Variants in CNTNAP2 observed in about 807,000 individuals in gnomAD.
The protein encoded by CNTNAP2 is contactin-associated protein-like 2.
A neutral mutation model predicts 155.2 loss-of-function variants in CNTNAP2; 98 were observed. The ratio of observed to expected loss-of-function variants is 0.63; its 90% CI spans 0.54 to 0.75. CNTNAP2 has a LOEUF of 0.75. CNTNAP2 is among the 30% of genes least tolerant of loss of function. The pLI is 0.00. For missense variants in CNTNAP2, 1,727 were observed against 1,688.1 expected, an observed-to-expected ratio of 1.02 and a Z score of -0.40; for synonymous variants, 651 against 631.2, an observed-to-expected ratio of 1.03 and a Z score of -0.47.
At chr7:146,204,598 A>G (rs1282318839) in intron 1 of CNTNAP2, among the ~76,000 whole-genome samples, 1 of 152,110 alleles carries the variant, frequency 6.6e-6, no homozygotes, top group Non-Finnish European at 1.5e-5. Flanking sequence ...AGTCTCTCTC[A>G]TGCCAGTCGT....
intron 22 of CNTNAP2, among the ~76,000 whole-genome samples, chr7:148,393,456 C>T (rs1799398155): frequency 1.3e-5 from 2 of 152,196 alleles, no homozygotes; most frequent in Admixed American, 6.5e-5. Context: ...ACACCAAGCG[C>T]ATTTATGTAT....
At chr7:146,903,404 G>T (rs561075451) in intron 3 of CNTNAP2, among the ~76,000 whole-genome samples, 3 of 152,236 alleles carry the variant, frequency 2.0e-5, no homozygotes, top group African/African-American at 4.8e-5. Context: ...TCATTTGCAT[G>T]TAATAAGCTC....
intron 13 of CNTNAP2, among the ~76,000 whole-genome samples, chr7:147,706,654 T>C (rs577870371): frequency 5.6e-4 from 85 of 152,292 alleles, no homozygotes; most frequent in African/African-American, 1.9e-3. Context: ...AAGCTTCCTG[T>C]ATCTGGATGT....
intron 10 of CNTNAP2, among the ~76,000 whole-genome samples, chr7:147,483,136 T>A (rs1381281277): frequency 6.6e-6 from 1 of 151,886 alleles, no homozygotes; most frequent in African/African-American, 2.4e-5. Flanking sequence ...TTTAAAGAAA[T>A]CCTTAATACT....
chr7:147,881,142 C>CA (rs1799513757), intron 13 of CNTNAP2, among the ~76,000 whole-genome samples: 1 of 152,016 alleles, frequency 6.6e-6, no homozygotes, highest in African/African-American at 2.4e-5. Flanking sequence ...AAAATGAGAT[C>CA]AGTTGTTGAA....
intron 3 of CNTNAP2, among the ~76,000 whole-genome samples, chr7:146,866,389 T>G (rs1233189044): frequency 6.6e-6 from 1 of 152,144 alleles, no homozygotes; most frequent in Admixed American, 6.6e-5. Context: ...GTTTAGAAGA[T>G]TTGATATTTG....
At chr7:146,843,894 G>C (rs1262039167) in intron 3 of CNTNAP2, among the ~76,000 whole-genome samples, 3 of 152,030 alleles carry the variant, frequency 2.0e-5, no homozygotes, top group Non-Finnish European at 4.4e-5. Flanking sequence ...CTTACAAGAT[G>C]TAAAAATTTA....
chr7:146,418,433 C>G (rs1181360647), intron 1 of CNTNAP2, among the ~76,000 whole-genome samples: 1 of 152,102 alleles, frequency 6.6e-6, no homozygotes, highest in Non-Finnish European at 1.5e-5. Flanking sequence ...GATGAAATCT[C>G]TCTGTACTTC....
intron 13 of CNTNAP2, among the ~76,000 whole-genome samples, chr7:147,667,983 G>T (rs1018691303): frequency 2.6e-5 from 4 of 152,088 alleles, no homozygotes; most frequent in African/African-American, 7.2e-5. Context: ...CAAATGATTT[G>T]CTCAGGATGA....
intron 1 of CNTNAP2, among the ~76,000 whole-genome samples, chr7:146,664,021 T>C (rs994441377): frequency 7.2e-5 from 11 of 152,154 alleles, no homozygotes. Flanking sequence ...GTTTATCAGG[T>C]TGAAGAAGTT....
intron 21 of CNTNAP2, among the ~76,000 whole-genome samples, chr7:148,281,204 A>T (rs999774119): frequency 1.3e-5 from 2 of 152,220 alleles, no homozygotes; most frequent in Admixed American, 1.3e-4. Flanking sequence ...TTTTAGAGTC[A>T]TTATTGAAGA....
chr7:146,360,861 AT>A (rs1207904507), intron 1 of CNTNAP2, among the ~76,000 whole-genome samples: 3 of 152,172 alleles, frequency 2.0e-5, no homozygotes, highest in Non-Finnish European at 4.4e-5. Flanking sequence ...AGTGGCACTT[AT>A]TTCCCCAGTC....
At chr7:147,557,413 C>T (rs1288972847) in intron 11 of CNTNAP2, among the ~76,000 whole-genome samples, 1 of 152,106 alleles carries the variant, frequency 6.6e-6, no homozygotes, top group Non-Finnish European at 1.5e-5. Flanking sequence ...CTTGGAGTTG[C>T]AACAGAGAAA....
intron 13 of CNTNAP2, among the ~76,000 whole-genome samples, chr7:147,653,569 G>T (rs572436311): frequency 6.6e-6 from 1 of 152,318 alleles, no homozygotes; most frequent in Admixed American, 6.5e-5. Context: ...GTTCGATTTT[G>T]TAAGTAGGAG....
At chr7:147,017,470 A>G (rs1798745593) in intron 3 of CNTNAP2, among the ~76,000 whole-genome samples, 2 of 152,046 alleles carry the variant, frequency 1.3e-5, no homozygotes, top group South Asian at 4.1e-4. Flanking sequence ...TACCTTACCT[A>G]CAGATGAAAA....
At chr7:146,850,533 A>C (rs1259189525) in intron 3 of CNTNAP2, among the ~76,000 whole-genome samples, 3 of 152,184 alleles carry the variant, frequency 2.0e-5, no homozygotes, top group Non-Finnish European at 2.9e-5. Context: ...CTTAAAAACA[A>C]CTAATATGTG....
chr7:146,275,037 G>C (rs1191742709), intron 1 of CNTNAP2, among the ~76,000 whole-genome samples: 1 of 152,028 alleles, frequency 6.6e-6, no homozygotes, highest in Non-Finnish European at 1.5e-5. Context: ...TAAATCCCAG[G>C]CTTTCATATA....
chr7:146,609,465 ACTGTGACTACTAATT>A (rs1439555370), intron 1 of CNTNAP2, among the ~76,000 whole-genome samples: 5 of 152,214 alleles, frequency 3.3e-5, no homozygotes, highest in Non-Finnish European at 7.3e-5. Context: ...TGCTGTGAAT[ACTGTGACTACTAATT>A]CACTATATCT....
intron 1 of CNTNAP2, among the ~76,000 whole-genome samples, chr7:146,550,044 G>A (rs1223186295): frequency 6.6e-6 from 1 of 152,020 alleles, no homozygotes; most frequent in Non-Finnish European, 1.5e-5. Context: ...AACCTAAAAA[G>A]CTCCAGTCAA....
Sources: allele counts gnomAD v4.1 joint callset (sites outside exome capture counted in the v4.1 genomes callset), GRCh38; gene constraint gnomAD v4.1.1; transcripts MANE v1.5; gene names NCBI Gene and HGNC (gene_info 2026-07-23, HGNC 2026-07-21).